Variants in RNGTT observed in about 807,000 individuals in gnomAD.
RNGTT encodes the protein mRNA-capping enzyme.
A neutral mutation model predicts 79.3 loss-of-function variants in RNGTT; 33 were observed. That is an observed-to-expected ratio of 0.42 (90% CI 0.32 to 0.56). The LOEUF (loss-of-function observed/expected upper bound fraction) is 0.56. Ranked by LOEUF, RNGTT falls within the 20% of genes least tolerant of loss-of-function variation. The pLI is 0.17. For synonymous variants in RNGTT, 222 were observed against 235.9 expected, an observed-to-expected ratio of 0.94 and a Z score of 0.54; for missense variants, 497 against 739.1, an observed-to-expected ratio of 0.67 and a Z score of 3.80.
At chr6:88,865,474 T>C (rs1041956871) in intron 8 of RNGTT, among the ~76,000 whole-genome samples, 2 of 152,026 alleles carry the variant, frequency 1.3e-5, no homozygotes, top group Admixed American at 6.6e-5. Flanking sequence ...TTTTGAAACA[T>C]AGAGAAATGA....
intron 13 of RNGTT, among the ~76,000 whole-genome samples, chr6:88,748,317 C>T (rs1777732557): frequency 6.6e-6 from 1 of 152,068 alleles, no homozygotes; most frequent in Admixed American, 6.6e-5. Flanking sequence ...TTCTCTCTCC[C>T]TCCTTCACTT....
chr6:88,820,043 G>T (rs1276065002), intron 11 of RNGTT, among the ~76,000 whole-genome samples: 1 of 152,078 alleles, frequency 6.6e-6, no homozygotes, highest in Non-Finnish European at 1.5e-5. Flanking sequence ...ATGTGGAACA[G>T]TGTTTTAGAC....
In RNGTT at chr6:88,903,992, A is replaced by T. The variant is rs187000742; in HGVS notation, c.684+723T>A. On this transcript the variant is annotated intron_variant, in intron 6 of 15. Transcript: ENST00000369485. ...GGCTAGAGAAGTGAGAGTCTTCTTGATTTAATTTTATGGAAACCATGAAAG... is the reference window on the plus strand; with the variant it reads ...GGCTAGAGAAGTGAGAGTCTTCTTGTTTTAATTTTATGGAAACCATGAAAG... Among the ~76,000 whole-genome samples the T allele has an allele frequency of 1.1e-4, 16 of 152,274 alleles. No individual in the cohort carries two copies. In the East Asian group the frequency reaches 2.5e-3, roughly 24 times the overall value.
rs1232247211 is a variant in RNGTT at position 88,610,149 on chromosome 6, T to C, written c.*2570A>G. 6.6e-6 allele frequency: 1 copy of C among 152,544 alleles called. No individual in the cohort carries two copies. The highest frequency in any genetic ancestry group is 6.5e-5 in the Admixed American group (1 of 15,286). The allele number at this position is 152,544 out of a possible 1,614,324, so 9.4% of individuals were successfully genotyped here. A position where few individuals can be genotyped will look rare whatever the true frequency, so the allele number is the denominator to read the frequency against. ...GAAAAATAGAGGCTTTCCAAGTCTT[T>C]ATGCTAATCTCTACAAAGCCAGATG... On this transcript the variant is annotated 3_prime_UTR_variant, in exon 16 of 16. Coordinates refer to ENST00000369485, the MANE Select transcript of RNGTT (RefSeq NM_003800.5).
At chr6:88,810,564 AAG>A (rs1434605825) in intron 11 of RNGTT, among the ~76,000 whole-genome samples, 1 of 152,192 alleles carries the variant, frequency 6.6e-6, no homozygotes, top group Non-Finnish European at 1.5e-5. Flanking sequence ...AAAAGTCAAA[AAG>A]AGAGTCTCAA....
chr6:88,765,930 G>A (rs1400681731), intron 13 of RNGTT, among the ~76,000 whole-genome samples: 3 of 152,122 alleles, frequency 2.0e-5, no homozygotes, highest in Non-Finnish European at 2.9e-5. Flanking sequence ...ACAGAGATTG[G>A]AATCAAATAG....
intron 4 of RNGTT, among the ~76,000 whole-genome samples, chr6:88,911,800 G>A (rs1476769643): frequency 6.6e-6 from 1 of 152,118 alleles, no homozygotes; most frequent in Non-Finnish European, 1.5e-5. Flanking sequence ...ACATCAAGAA[G>A]ATAGAAATGG....
At chr6:88,640,822 T>C (rs1773287486) in intron 14 of RNGTT, among the ~76,000 whole-genome samples, 2 of 152,178 alleles carry the variant, frequency 1.3e-5, no homozygotes, top group African/African-American at 4.8e-5. Flanking sequence ...CTTAACACTA[T>C]ATATTTATGT....
At chr6:88,688,774 G>A (rs567904737) in intron 13 of RNGTT, among the ~76,000 whole-genome samples, 3 of 152,186 alleles carry the variant, frequency 2.0e-5, no homozygotes, top group Admixed American at 6.5e-5. Flanking sequence ...CCACTTATAC[G>A]CAGATTTCTT....
intron 12 of RNGTT, among the ~76,000 whole-genome samples, chr6:88,798,191 A>G (rs1011931953): frequency 3.0e-4 from 46 of 152,166 alleles, no homozygotes; most frequent in Non-Finnish European, 6.5e-4. Flanking sequence ...TTGGCCGGGT[A>G]CAGTGGCTCA....
chr6:88,658,518 C>G (rs549875749), intron 14 of RNGTT, among the ~76,000 whole-genome samples: 80 of 152,292 alleles, frequency 5.3e-4, no homozygotes, highest in African/African-American at 1.9e-3. Flanking sequence ...CAATCTGGCT[C>G]TCAGGAAGCC....
intron 13 of RNGTT, among the ~76,000 whole-genome samples, chr6:88,769,059 A>G (rs895896259): frequency 2.0e-5 from 3 of 152,350 alleles, no homozygotes; most frequent in Non-Finnish European, 4.4e-5. Flanking sequence ...ATCATATCTT[A>G]TATCTAGATC....
chr6:88,618,510 T>C (rs537682054), intron 14 of RNGTT, among the ~76,000 whole-genome samples: 4 of 152,266 alleles, frequency 2.6e-5, no homozygotes, highest in Admixed American at 2.6e-4. Context: ...CCATCAGGTC[T>C]TCTAATCAAC....
chr6:88,934,696 A>G (rs1280392637), intron 2 of RNGTT, among the ~76,000 whole-genome samples: 1 of 152,084 alleles, frequency 6.6e-6, no homozygotes, highest in African/African-American at 2.4e-5. Flanking sequence ...GCTGGAGTAC[A>G]GTGGTGTGAA....
At chr6:88,899,695 G>A (rs935859985) in intron 6 of RNGTT, among the ~76,000 whole-genome samples, 1 of 152,168 alleles carries the variant, frequency 6.6e-6, no homozygotes, top group Non-Finnish European at 1.5e-5. Context: ...AACTCAGGAG[G>A]AAGGGAGGCC....
At chr6:88,722,950 T>A (rs989108397) in intron 13 of RNGTT, among the ~76,000 whole-genome samples, 3 of 152,198 alleles carry the variant, frequency 2.0e-5, no homozygotes, top group African/African-American at 7.2e-5. Flanking sequence ...CATATATAAT[T>A]ATGTACAGTA....
rs539186930 is a variant in RNGTT at position 88,719,903 on chromosome 6, G to A, written c.1440-41484C>T. On this transcript the variant is annotated intron_variant, in intron 13 of 15. Transcript: ENST00000369485. ...CATATGAAGAAACAAAAAGCCATTC[G>A]TGTTTAATGATTCACCTGTCAGTAC... is the stretch of plus-strand genomic sequence containing the variant. 6.6e-4 allele frequency among the ~76,000 whole-genome samples: 100 copies of A among 152,280 alleles called. 1 individual carries two copies. Among genetic ancestry groups the A allele is most frequent in the Middle Eastern group, 3.4e-3 (1 of 294 alleles).
chr6:88,809,739 G>A (rs1373698233), intron 11 of RNGTT, among the ~76,000 whole-genome samples: 2 of 152,142 alleles, frequency 1.3e-5, no homozygotes, highest in African/African-American at 2.4e-5. Flanking sequence ...TTTGCTGCAT[G>A]AAATACCTAA....
At chr6:88,802,655 G>A (rs1582478473) in intron 11 of RNGTT, among the ~76,000 whole-genome samples, 3 of 152,274 alleles carry the variant, frequency 2.0e-5, no homozygotes, top group South Asian at 4.2e-4. Flanking sequence ...GGCTGGGGTG[G>A]CCTCACAGTC....
Sources: gnomAD v4.1 joint callset for allele counts (sites outside exome capture counted in the v4.1 genomes callset) on GRCh38, gnomAD v4.1.1 for gene constraint, MANE v1.5 for transcripts, NCBI Gene and HGNC (gene_info 2026-07-23, HGNC 2026-07-21) for gene names.